ROBO2: variants seen among roughly 807,000 people sequenced by gnomAD.
ROBO2 encodes roundabout guidance receptor 2, also known as roundabout homolog 2.
Under a neutral mutation model 160.8 loss-of-function variants are expected in ROBO2, and 53 were observed. That is an observed-to-expected ratio of 0.33 (90% CI 0.26 to 0.41). The LOEUF (loss-of-function observed/expected upper bound fraction) is 0.41, where lower values mean the gene tolerates loss of function less well. ROBO2 is among the 10% of genes least tolerant of loss of function. The pLI is 1.00. For synonymous variants in ROBO2, 664 were observed against 611.7 expected, an observed-to-expected ratio of 1.09 and a Z score of -1.26; for missense variants, 1,577 against 1,722.4, an observed-to-expected ratio of 0.92 and a Z score of 1.49.
At chr3:76,254,230 G>A (rs1337396081) in intron 2 of ROBO2, among the ~76,000 whole-genome samples, 1 of 152,060 alleles carries the variant, frequency 6.6e-6, no homozygotes, top group Non-Finnish European at 1.5e-5. Flanking sequence ...ATATAAAAAT[G>A]AAGTCAGCAT....
chr3:76,627,246 C>G (rs1372455509), intron 2 of ROBO2, among the ~76,000 whole-genome samples: 1 of 152,166 alleles, frequency 6.6e-6, no homozygotes, highest in Non-Finnish European at 1.5e-5. Context: ...ATTTTACTCT[C>G]TCTACACTGT....
chr3:76,468,860 A>G (rs576905193), intron 2 of ROBO2, among the ~76,000 whole-genome samples: 1 of 151,992 alleles, frequency 6.6e-6, no homozygotes, highest in South Asian at 2.1e-4. Flanking sequence ...AGACAAACTT[A>G]TATCTACAGC....
At position 76,498,523 on chromosome 3, in the gene ROBO2, A is replaced by G. The variant is rs910440912; in HGVS notation, c.109+560921A>G. Among the ~76,000 whole-genome samples the G allele has an allele frequency of 3.9e-5, 6 of 151,948 alleles. No individual in the cohort carries two copies. The South Asian group carries it at 1.2e-3, about 31-fold the overall frequency. On this transcript the variant is annotated intron_variant, in intron 2 of 26. Transcript: ENST00000487694. ...TTAATTAGCTGTATTTAGAAATTAT[A>G]TAATAAATATATATTTCTAAATATT...
At chr3:76,297,224 C>T (rs904769406) in intron 2 of ROBO2, among the ~76,000 whole-genome samples, 3 of 152,182 alleles carry the variant, frequency 2.0e-5, no homozygotes, top group Non-Finnish European at 4.4e-5. Context: ...GAAATTAAAG[C>T]TGCAAACAAC....
chr3:77,644,649 A>G, intron 24 of ROBO2, 55 bp from the exon 27 acceptor site: 3 of 1,489,802 alleles, frequency 2.0e-6, no homozygotes, highest in Non-Finnish European at 2.8e-6. Flanking sequence ...AGTTAAGTTT[A>G]GTTTGCCTCC....
At chr3:77,203,684 C>A (rs181136060) in intron 2 of ROBO2, among the ~76,000 whole-genome samples, 67 of 152,244 alleles carry the variant, frequency 4.4e-4, no homozygotes, top group African/African-American at 1.6e-3. Context: ...AAAGAGGCTT[C>A]GAGGCTTCTC....
At chr3:75,972,899 C>T (rs945468666) in intron 2 of ROBO2, among the ~76,000 whole-genome samples, 6 of 151,598 alleles carry the variant, frequency 4.0e-5, no homozygotes, top group African/African-American at 1.5e-4. Context: ...AGGACCATCC[C>T]TTGTTCACCC....
chr3:76,732,082 C>T (rs1322623193), intron 2 of ROBO2, among the ~76,000 whole-genome samples: 2 of 151,960 alleles, frequency 1.3e-5, no homozygotes, highest in Non-Finnish European at 2.9e-5. Flanking sequence ...AATTATGTGC[C>T]ATTAGTAGAA....
At chr3:76,410,322 C>T (rs531412941) in intron 2 of ROBO2, among the ~76,000 whole-genome samples, 2 of 151,918 alleles carry the variant, frequency 1.3e-5, no homozygotes, top group African/African-American at 2.4e-5. Flanking sequence ...GCAGGACGGA[C>T]GGTGTATATA....
intron 2 of ROBO2, among the ~76,000 whole-genome samples, chr3:76,792,228 T>A (rs536204149): frequency 6.6e-6 from 1 of 152,036 alleles, no homozygotes; most frequent in Admixed American, 6.6e-5. Context: ...AGCACTCTCA[T>A]ATGTCATAAA....
chr3:76,331,154 G>A (rs1300586152), intron 2 of ROBO2, among the ~76,000 whole-genome samples: 1 of 152,076 alleles, frequency 6.6e-6, no homozygotes, highest in African/African-American at 2.4e-5. Context: ...CAATAACAAA[G>A]TAAATATTAA....
intron 2 of ROBO2, among the ~76,000 whole-genome samples, chr3:76,558,412 T>C (rs527827046): frequency 4.4e-4 from 67 of 152,210 alleles, no homozygotes; most frequent in African/African-American, 1.5e-3. Flanking sequence ...ATTATGAAGT[T>C]ATAAGCTATT....
chr3:76,729,267 A>G (rs1200398842), intron 2 of ROBO2, among the ~76,000 whole-genome samples: 1 of 151,948 alleles, frequency 6.6e-6, no homozygotes, highest in Non-Finnish European at 1.5e-5. Flanking sequence ...AAATAAAACA[A>G]TTACCAAGGT....
At chr3:76,138,376 C>A (rs142622524) in intron 2 of ROBO2, among the ~76,000 whole-genome samples, 3 of 151,740 alleles carry the variant, frequency 2.0e-5, no homozygotes, top group Non-Finnish European at 4.4e-5. Context: ...TATATTGTAT[C>A]GATATAGATT....
At chr3:77,322,576 C>A (rs998934972) in intron 2 of ROBO2, among the ~76,000 whole-genome samples, 4 of 151,402 alleles carry the variant, frequency 2.6e-5, no homozygotes, top group African/African-American at 4.9e-5. Flanking sequence ...CCTAGGTAAT[C>A]TGTAAGTAAG....
chr3:76,972,551 T>C (rs2059623312), intron 2 of ROBO2, among the ~76,000 whole-genome samples: 2 of 152,080 alleles, frequency 1.3e-5, no homozygotes, highest in African/African-American at 4.8e-5. Context: ...ATAAGTGATC[T>C]TTTTTTCACA....
At chr3:77,513,084 GTT>G (rs1332930826) in intron 5 of ROBO2, among the ~76,000 whole-genome samples, 2 of 151,900 alleles carry the variant, frequency 1.3e-5, no homozygotes, top group Admixed American at 1.3e-4. Flanking sequence ...CAGTCAGGAA[GTT>G]TTATAGAGTC....
At chr3:76,772,793 T>G (rs553817392) in intron 2 of ROBO2, among the ~76,000 whole-genome samples, 1 of 151,214 alleles carries the variant, frequency 6.6e-6, no homozygotes, top group East Asian at 2.0e-4. Context: ...TAGTTTTCCA[T>G]TTTCATTAGT....
intron 2 of ROBO2, among the ~76,000 whole-genome samples, chr3:76,966,773 A>G (rs1386059246): frequency 1.3e-5 from 2 of 152,222 alleles, no homozygotes; most frequent in Non-Finnish European, 2.9e-5. Flanking sequence ...TTGTGTGGAT[A>G]AAATAGGATA....
Sources: allele counts gnomAD v4.1 joint callset (sites outside exome capture counted in the v4.1 genomes callset), GRCh38; gene constraint gnomAD v4.1.1; transcripts MANE v1.5; gene names NCBI Gene and HGNC (gene_info 2026-07-23, HGNC 2026-07-21).